The following CNTN5 variants were observed in gnomAD, a reference collection of about 807,000 sequenced individuals.
CNTN5 encodes the protein contactin-5.
CNTN5 carries 77 observed loss-of-function variants against 129.1 expected under a neutral mutation model. The ratio of observed to expected loss-of-function variants is 0.60; its 90% CI spans 0.50 to 0.72. The LOEUF (loss-of-function observed/expected upper bound fraction) is 0.72, where lower values mean the gene tolerates loss of function less well. Ranked by LOEUF, CNTN5 falls within the 30% of genes least tolerant of loss-of-function variation. The pLI, the probability that CNTN5 is intolerant of heterozygous loss-of-function variation, is 0.00. For missense variants in CNTN5, 1,478 were observed against 1,328.8 expected, an observed-to-expected ratio of 1.11 and a Z score of -1.75; for synonymous variants, 509 against 465.6, an observed-to-expected ratio of 1.09 and a Z score of -1.20.
At chr11:99,036,918 T>C (rs751921831) in intron 1 of CNTN5, among the ~76,000 whole-genome samples, 6 of 152,206 alleles carry the variant, frequency 3.9e-5, no homozygotes, top group Non-Finnish European at 8.8e-5. Flanking sequence ...CCTTTACATA[T>C]TAACAGAAAC....
chr11:99,541,972 A>G (rs1348124554), intron 2 of CNTN5, among the ~76,000 whole-genome samples: 2 of 120,848 alleles, frequency 1.7e-5, no homozygotes, highest in East Asian at 2.1e-4. Flanking sequence ...AAAAAAAAAA[A>G]AAAAAAAGAA....
At chr11:99,997,598 T>C (rs11222268) in intron 8 of CNTN5, among the ~76,000 whole-genome samples, 57,283 of 151,822 alleles carry the variant, frequency 0.38, 12,303 homozygotes, top group African/African-American at 0.59. Context: ...TGGTACCATT[T>C]CTTCTGAAAT....
At chr11:99,504,631 G>A (rs1946551173) in intron 2 of CNTN5, among the ~76,000 whole-genome samples, 1 of 151,896 alleles carries the variant, frequency 6.6e-6, no homozygotes, top group African/African-American at 2.4e-5. Context: ...TACTCTTGTT[G>A]TGGATGAATG....
chr11:99,396,496 T>C (rs1033239842), intron 2 of CNTN5, among the ~76,000 whole-genome samples: 1 of 151,592 alleles, frequency 6.6e-6, no homozygotes, highest in African/African-American at 2.4e-5. Flanking sequence ...ATCCTTAAAA[T>C]TTTATGGGTT....
In CNTN5 at chr11:99,284,600, GGTGTGTGTGTGTGTGTGTGTGTGTGTGT is replaced by G. The variant is rs71046675; in HGVS notation, c.-209-40712_-209-40685del. Among the ~76,000 whole-genome samples, 42 of 124,790 alleles carry G rather than the reference GGTGTGTGTGTGTGTGTGTGTGTGTGTGT, an allele frequency of 3.4e-4. No homozygotes were observed. In the South Asian group the frequency reaches 4.1e-3, roughly 12 times the overall value. 81.9% of individuals were successfully genotyped at this position (124,790 alleles called of 152,430 possible). ...AGAACTGTTTACCCCAGAGATGAGT[GGTGTGTGTGTGTGTGTGTGTGTGTGTGT>G]GTGTGTGTGTGTGTGTGTGTGTGTG... On this transcript the variant is annotated intron_variant, in intron 1 of 24. Coordinates refer to ENST00000524871, the MANE Select transcript of CNTN5 (RefSeq NM_014361.4).
intron 13 of CNTN5, among the ~76,000 whole-genome samples, chr11:100,097,708 G>A (rs1176098230): frequency 1.3e-5 from 2 of 152,048 alleles, no homozygotes; most frequent in Non-Finnish European, 1.5e-5. Flanking sequence ...TCAAAATCTT[G>A]AGATAAAAGG....
chr11:100,060,178 C>T (rs903983142), intron 9 of CNTN5, among the ~76,000 whole-genome samples: 2 of 150,382 alleles, frequency 1.3e-5, no homozygotes, highest in Non-Finnish European at 3.0e-5. Context: ...TGCACTCGAG[C>T]CTTGGCGAAA....
intron 2 of CNTN5, among the ~76,000 whole-genome samples, chr11:99,358,177 C>A (rs1480724760): frequency 7.3e-6 from 1 of 136,134 alleles, no homozygotes; most frequent in African/African-American, 2.7e-5. Context: ...CAAGCTCCGC[C>A]TCCCAGGTTC....
intron 3 of CNTN5, among the ~76,000 whole-genome samples, chr11:99,587,393 C>T (rs554643588): frequency 6.6e-6 from 1 of 152,268 alleles, no homozygotes; most frequent in East Asian, 1.9e-4. Flanking sequence ...CACAGTGTCT[C>T]CCATAAAGGA....
intron 1 of CNTN5, among the ~76,000 whole-genome samples, chr11:99,025,353 T>C (rs926410885): frequency 6.6e-6 from 1 of 151,914 alleles, no homozygotes; most frequent in Non-Finnish European, 1.5e-5. Flanking sequence ...TTCATTTATC[T>C]GAATGATCAA....
intron 4 of CNTN5, among the ~76,000 whole-genome samples, chr11:99,841,781 T>TTATA (rs755315937): frequency 0.38 from 37,138 of 96,636 alleles, 5,089 homozygotes; most frequent in Non-Finnish European, 0.45. Flanking sequence ...GGTTTGACAT[T>TTATA]TATATATATA....
chr11:99,446,768 T>C (rs553532309), intron 2 of CNTN5, among the ~76,000 whole-genome samples: 30 of 152,328 alleles, frequency 2.0e-4, no homozygotes, highest in South Asian at 1.4e-3. Flanking sequence ...TGTACTCTCT[T>C]AGCTGACTTT....
At chr11:99,149,135 T>C (rs538213518) in intron 1 of CNTN5, among the ~76,000 whole-genome samples, 6 of 152,250 alleles carry the variant, frequency 3.9e-5, no homozygotes, top group Non-Finnish European at 8.8e-5. Context: ...CAAATAAGGA[T>C]GAACATTTTA....
intron 1 of CNTN5, among the ~76,000 whole-genome samples, chr11:99,161,463 G>C (rs1860607506): frequency 6.6e-6 from 1 of 151,748 alleles, no homozygotes. Context: ...GTCACTGAGG[G>C]GTGTTTATAG....
intron 13 of CNTN5, among the ~76,000 whole-genome samples, chr11:100,176,198 T>C (rs936958052): frequency 6.6e-6 from 1 of 151,830 alleles, no homozygotes; most frequent in Non-Finnish European, 1.5e-5. Context: ...TTTTGTACTT[T>C]TAGTAGAGAC....
At chr11:100,056,983 T>A (rs1943259377) in intron 9 of CNTN5, among the ~76,000 whole-genome samples, 2 of 151,610 alleles carry the variant, frequency 1.3e-5, no homozygotes, top group Non-Finnish European at 3.0e-5. Context: ...ACATGGAACT[T>A]GTACCAAAAA....
chr11:99,238,635 C>T (rs1225555182), intron 1 of CNTN5, among the ~76,000 whole-genome samples: 1 of 152,112 alleles, frequency 6.6e-6, no homozygotes, highest in Non-Finnish European at 1.5e-5. Context: ...AATAAGAAAT[C>T]TAGCTATCTT....
At chr11:99,500,818 AATTG>A (rs1946398579) in intron 2 of CNTN5, among the ~76,000 whole-genome samples, 2 of 152,052 alleles carry the variant, frequency 1.3e-5, no homozygotes, top group Non-Finnish European at 1.5e-5. Context: ...ACTGAACTGA[AATTG>A]ATTGTCAATA....
At chr11:99,920,064 C>T (rs561116522) in intron 7 of CNTN5, among the ~76,000 whole-genome samples, 1 of 152,068 alleles carries the variant, frequency 6.6e-6, no homozygotes, top group Non-Finnish European at 1.5e-5. Flanking sequence ...TGTATCATGG[C>T]ATGTATCAAT....
Sources: gnomAD v4.1 joint callset for allele counts (sites outside exome capture counted in the v4.1 genomes callset) on GRCh38, gnomAD v4.1.1 for gene constraint, MANE v1.5 for transcripts, NCBI Gene and HGNC (gene_info 2026-07-23, HGNC 2026-07-21) for gene names.